Variants in PHKB observed in about 807,000 individuals in gnomAD.
PHKB encodes the protein phosphorylase kinase regulatory subunit beta.
A neutral mutation model predicts 152.1 loss-of-function variants in PHKB; 122 were observed. That is an observed-to-expected ratio of 0.80 (90% CI 0.69 to 0.93). PHKB has a LOEUF of 0.93. Ranked by LOEUF, PHKB falls within the 40% of genes least tolerant of loss-of-function variation. PHKB has a pLI of 0.00. For synonymous variants in PHKB, 436 were observed against 464.9 expected (o/e 0.94, Z 0.80); for missense variants, 1,304 against 1,328.4 (o/e 0.98, Z 0.29).
At chr16:47,616,342 T>A (rs1972513333) in intron 14 of PHKB, among the ~76,000 whole-genome samples, 1 of 151,696 alleles carries the variant, frequency 6.6e-6, no homozygotes, top group Non-Finnish European at 1.5e-5. Context: ...TCTGAGTTAA[T>A]TTTATATACG....
intron 26 of PHKB, among the ~76,000 whole-genome samples, chr16:47,687,934 A>G (rs934498810): frequency 1.3e-5 from 2 of 152,228 alleles, no homozygotes; most frequent in Non-Finnish European, 2.9e-5. Context: ...ATTGAGAGAC[A>G]TTAGTCATCC....
At chr16:47,478,674 G>A (rs1969912771) in intron 1 of PHKB, among the ~76,000 whole-genome samples, 1 of 151,980 alleles carries the variant, frequency 6.6e-6, no homozygotes, top group African/African-American at 2.4e-5. Flanking sequence ...TATGTAAATA[G>A]CTCTCAACAG....
At chr16:47,695,930 T>C (rs1974139270) in intron 28 of PHKB, among the ~76,000 whole-genome samples, 1 of 152,238 alleles carries the variant, frequency 6.6e-6, no homozygotes, top group Admixed American at 6.5e-5. Flanking sequence ...AATATTGTTT[T>C]TGCTTGTTTG....
intron 8 of PHKB, among the ~76,000 whole-genome samples, chr16:47,583,879 A>G (rs922371977): frequency 6.6e-6 from 1 of 152,152 alleles, no homozygotes; most frequent in African/African-American, 2.4e-5. Flanking sequence ...AGAGGTATCC[A>G]TTTCACAAAT....
At chr16:47,601,557 T>C (rs1351638431) in intron 13 of PHKB, among the ~76,000 whole-genome samples, 2 of 151,534 alleles carry the variant, frequency 1.3e-5, no homozygotes, top group African/African-American at 4.9e-5. Context: ...TACAAAAAAT[T>C]AGCCAGCCAT....
intron 1 of PHKB, among the ~76,000 whole-genome samples, chr16:47,487,289 G>C (rs1245127681): frequency 1.3e-5 from 2 of 152,066 alleles, no homozygotes; most frequent in Non-Finnish European, 2.9e-5. Flanking sequence ...TATCCATAAA[G>C]CTCTATTATC....
At chr16:47,508,348 CAG>C (rs1458112164) in intron 4 of PHKB, among the ~76,000 whole-genome samples, 5 of 152,112 alleles carry the variant, frequency 3.3e-5, no homozygotes, top group African/African-American at 1.2e-4. Flanking sequence ...GAGAGGCATT[CAG>C]AGTTTTTCAG....
In PHKB at chr16:47,532,126, C is replaced by A. The variant is rs181581686; in HGVS notation, c.595-15307C>A. Reference sequence around the variant, plus strand: ...CTAATTAGGGAAATTCAAATTTAAACCCCGATCATATGCCACTTCACATGC... The same window carrying A: ...CTAATTAGGGAAATTCAAATTTAAAACCCGATCATATGCCACTTCACATGC... On this transcript the variant is annotated intron_variant, in intron 6 of 30. Coordinates refer to ENST00000323584, the MANE Select transcript of PHKB (RefSeq NM_000293.3). Among the ~76,000 whole-genome samples the A allele has an allele frequency of 3.0e-3, 461 of 152,280 alleles. 1 individual carries two copies. Among genetic ancestry groups the A allele is most frequent in the African/African-American group, 0.011 (450 of 41,562 alleles).
intron 13 of PHKB, among the ~76,000 whole-genome samples, chr16:47,605,774 G>A (rs1396813207): frequency 6.6e-6 from 1 of 152,022 alleles, no homozygotes; most frequent in African/African-American, 2.4e-5. Context: ...ATTTCGATAG[G>A]AAAAATGTAA....
intron 24 of PHKB, among the ~76,000 whole-genome samples, chr16:47,664,565 G>A (rs72800685): frequency 0.071 from 10,748 of 152,052 alleles, 501 homozygotes; most frequent in Non-Finnish European, 0.1. Context: ...TAAATATGCC[G>A]TTCCTCCTCA....
intron 6 of PHKB, among the ~76,000 whole-genome samples, chr16:47,522,797 GTTTA>G (rs1260237722): frequency 1.3e-5 from 2 of 151,532 alleles, no homozygotes; most frequent in Non-Finnish European, 2.9e-5. Flanking sequence ...TTGACCCATT[GTTTA>G]TTTAGTAGTA....
intron 30 of PHKB, 25 bp from the exon 31 acceptor site, chr16:47,699,204 C>T (rs144484726): frequency 6.2e-7 from 1 of 1,612,106 alleles, no homozygotes; most frequent in Non-Finnish European, 8.5e-7. Flanking sequence ...AGATCGAATG[C>T]CTTGCCTACT....
At chr16:47,546,149 C>T (rs184132390) in intron 6 of PHKB, among the ~76,000 whole-genome samples, 219 of 152,314 alleles carry the variant, frequency 1.4e-3, no homozygotes, top group African/African-American at 4.8e-3. Context: ...TGAGGAGCTA[C>T]GGTTCTTTGG....
chr16:47,599,259 C>T (rs143258824), intron 13 of PHKB, among the ~76,000 whole-genome samples: 1 of 151,928 alleles, frequency 6.6e-6, no homozygotes, highest in Non-Finnish European at 1.5e-5. Flanking sequence ...GAATTTTTTT[C>T]TGTGATTCTG....
intron 1 of PHKB, among the ~76,000 whole-genome samples, chr16:47,474,943 C>T (rs548729302): frequency 2.0e-4 from 30 of 152,226 alleles, no homozygotes; most frequent in African/African-American, 2.4e-4. Flanking sequence ...AGGCTGGTCT[C>T]GAACTCCTGA....
chr16:47,699,446 C>A lies in PHKB; in HGVS notation c.*80C>A. ...TCATGTTCAAGCTTAATCAAGGCAG[C>A]CATTAATATACGAACTGAGCATGCT... On this transcript the variant is annotated 3_prime_UTR_variant, in exon 31 of 31. Coordinates refer to ENST00000323584, the MANE Select transcript of PHKB (RefSeq NM_000293.3). 1 of 1,525,670 alleles carries A rather than the reference C, an allele frequency of 6.6e-7. No individual in the cohort carries two copies. Among genetic ancestry groups the A allele is most frequent in the Middle Eastern group, 1.7e-4 (1 of 5,874 alleles). The allele number at this position is 1,525,670 out of a possible 1,614,324, so 94.5% of individuals were successfully genotyped here.
At chr16:47,687,374 A>G (rs1973983196) in intron 26 of PHKB, among the ~76,000 whole-genome samples, 1 of 152,220 alleles carries the variant, frequency 6.6e-6, no homozygotes, top group African/African-American at 2.4e-5. Context: ...TGTTACTTTT[A>G]TGCTTGTGTA....
chr16:47,530,333 G>A (rs1432700282), intron 6 of PHKB, among the ~76,000 whole-genome samples: 2 of 151,830 alleles, frequency 1.3e-5, no homozygotes, highest in South Asian at 2.1e-4. Flanking sequence ...ATGTGGTTTC[G>A]CCCACCCAGT....
chr16:47,597,374 A>G (rs1374337048), intron 13 of PHKB, among the ~76,000 whole-genome samples: 1 of 152,200 alleles, frequency 6.6e-6, no homozygotes, highest in Non-Finnish European at 1.5e-5. Context: ...CCATTAGGGA[A>G]GAATATTTCA....
Sources: allele counts gnomAD v4.1 joint callset (sites outside exome capture counted in the v4.1 genomes callset), GRCh38; gene constraint gnomAD v4.1.1; transcripts MANE v1.5; gene names NCBI Gene and HGNC (gene_info 2026-07-23, HGNC 2026-07-21).